Variants in RASGRP3 observed in about 807,000 individuals in gnomAD.
RASGRP3 encodes the protein ras guanyl-releasing protein 3.
In RASGRP3, 54 loss-of-function variants were observed where a neutral mutation model predicts 82.7. The ratio of observed to expected loss-of-function variants is 0.65; its 90% CI spans 0.52 to 0.82. RASGRP3 has a LOEUF of 0.82. Among genes scored for constraint, RASGRP3 ranks in the 40% least tolerant of loss-of-function variants. The probability of loss-of-function intolerance (pLI) is 0.00; values close to 1 mark genes in which losing one functional copy is unlikely to be tolerated. For synonymous variants in RASGRP3, 309 were observed against 300.5 expected, an observed-to-expected ratio of 1.03 and a Z score of -0.29; for missense variants, 861 against 828.9, an observed-to-expected ratio of 1.04 and a Z score of -0.48.
intron 1 of RASGRP3, among the ~76,000 whole-genome samples, chr2:33,484,627 A>T (rs1176633591): frequency 3.3e-5 from 5 of 151,910 alleles, no homozygotes; most frequent in Non-Finnish European, 7.4e-5. Context: ...GTCACTCTTG[A>T]TTCTGAAATT....
In RASGRP3 at chr2:33,549,716, C is replaced by G; in HGVS notation, c.1507C>G (p.Leu503Val). Residue 503 changes from leucine to valine, a missense_variant, in exon 14 of 18, where the codon CTC (leucine) becomes GTC (valine). Coordinates refer to ENST00000403687, the MANE Select transcript of RASGRP3 (RefSeq NM_001139488.2). Reference protein sequence around the residue: ...FIHNFQEMTYLKPTFCEHCAG... With the variant: ...FIHNFQEMTYVKPTFCEHCAG... ...CCATAATTTTCAGGAGATGACCTAT[C>G]TCAAGCCAACCTTCTGCGAACACTG... 1 of 1,614,018 alleles carries G rather than the reference C, an allele frequency of 6.2e-7. No homozygotes were observed. The highest frequency in any genetic ancestry group is 8.5e-7 in the Non-Finnish European group (1 of 1,179,888).
chr2:33,520,507 CCAACTTG>C, intron 5 of RASGRP3, 39 bp from the exon 6 acceptor site: 5 of 1,608,670 alleles, frequency 3.1e-6, no homozygotes, highest in Non-Finnish European at 4.3e-6. Flanking sequence ...CCATAGATAA[CCAACTTG>C]CAATCTTCCA....
chr2:33,451,563 A>C (rs1302245894), intron 2 of RASGRP3, among the ~76,000 whole-genome samples: 1 of 152,102 alleles, frequency 6.6e-6, no homozygotes, highest in Non-Finnish European at 1.5e-5. Flanking sequence ...TAAGTTTTTA[A>C]TCTATTTTGA....
chr2:33,460,472 C>T (rs1666297499), intron 2 of RASGRP3, among the ~76,000 whole-genome samples: 1 of 151,494 alleles, frequency 6.6e-6, no homozygotes, highest in Non-Finnish European at 1.5e-5. Context: ...TATGTCTGTA[C>T]TATTCAACTT....
At chr2:33,455,677 C>T (rs772741601) in intron 2 of RASGRP3, among the ~76,000 whole-genome samples, 5 of 152,282 alleles carry the variant, frequency 3.3e-5, no homozygotes, top group Non-Finnish European at 7.3e-5. Flanking sequence ...CTGGGAAGGA[C>T]TTTCCATCTG....
At chr2:33,534,195 T>C in intron 10 of RASGRP3, 128 bp from the exon 11 acceptor site, 2 of 661,038 alleles carry the variant, frequency 3.0e-6, no homozygotes, top group Admixed American at 2.7e-5. Context: ...GCCGTCTTTT[T>C]ATTGTTCTGC....
At chr2:33,469,975 T>C (rs567805337) in intron 2 of RASGRP3, among the ~76,000 whole-genome samples, 48 of 152,356 alleles carry the variant, frequency 3.2e-4, no homozygotes, top group African/African-American at 1.2e-3. Flanking sequence ...CTTTTGGCTC[T>C]GTTCCATTGC....
At chr2:33,515,696 T>G (rs1391008949) in intron 3 of RASGRP3, among the ~76,000 whole-genome samples, 1 of 152,256 alleles carries the variant, frequency 6.6e-6, no homozygotes, top group Non-Finnish European at 1.5e-5. Flanking sequence ...TCTACATTCA[T>G]ACACGTCATA....
chr2:33,462,231 G>A (rs1460137839), intron 2 of RASGRP3, among the ~76,000 whole-genome samples: 1 of 152,134 alleles, frequency 6.6e-6, no homozygotes, highest in Non-Finnish European at 1.5e-5. Context: ...GAGCTGCCAT[G>A]TGAACCCAGA....
intron 1 of RASGRP3, among the ~76,000 whole-genome samples, chr2:33,496,518 C>A (rs1669327884): frequency 6.6e-6 from 1 of 152,136 alleles, no homozygotes; most frequent in Non-Finnish European, 1.5e-5. Context: ...ATATGGAGAT[C>A]TGGATATATC....
At chr2:33,526,790 C>T (rs190619381) in intron 9 of RASGRP3, among the ~76,000 whole-genome samples, 54 of 152,286 alleles carry the variant, frequency 3.5e-4, no homozygotes, top group African/African-American at 1.3e-3. Flanking sequence ...GAACAAATAA[C>T]AATTTTAATA....
rs1042306237 is a variant in RASGRP3 at position 33,562,908 on chromosome 2, CCCTA to C, written c.*172_*175del. ...TTTGGACTATGGGACAGAGAATTGA[CCCTA>C]ACTAACTAACTATGAACTATTTATT... On this transcript the variant is annotated 3_prime_UTR_variant, in exon 18 of 18. Transcript: ENST00000403687. 5.9e-5 allele frequency: 38 copies of C among 645,052 alleles called. No homozygotes were observed. The African/African-American group carries it at 1.2e-3, about 20-fold the overall frequency. The allele number at this position is 645,052 out of a possible 1,614,324, so 40.0% of individuals were successfully genotyped here.
intron 1 of RASGRP3, among the ~76,000 whole-genome samples, chr2:33,489,131 G>A (rs1327564214): frequency 6.6e-6 from 1 of 152,160 alleles, no homozygotes; most frequent in Admixed American, 6.5e-5. Flanking sequence ...AGAGACCAAC[G>A]ATGCTGCTAA....
intron 2 of RASGRP3, among the ~76,000 whole-genome samples, chr2:33,464,479 A>T (rs7589045): frequency 0.51 from 69,883 of 136,704 alleles, 17,871 homozygotes; most frequent in Non-Finnish European, 0.6. Context: ...ATCTTTTTTT[A>T]AAAAAAAAAA....
At chr2:33,512,899 T>C (rs1004720150) in intron 2 of RASGRP3, among the ~76,000 whole-genome samples, 4 of 152,052 alleles carry the variant, frequency 2.6e-5, no homozygotes, top group African/African-American at 9.7e-5. Flanking sequence ...TAAAAACAAA[T>C]AAACAAGTAA....
chr2:33,550,789 G>T (rs1675282692), intron 14 of RASGRP3, among the ~76,000 whole-genome samples: 2 of 152,174 alleles, frequency 1.3e-5, no homozygotes, highest in Admixed American at 1.3e-4. Flanking sequence ...CATGCTCAAA[G>T]AACTGGCTTT....
intron 2 of RASGRP3, among the ~76,000 whole-genome samples, chr2:33,470,364 A>G (rs1023964464): frequency 6.8e-6 from 1 of 147,218 alleles, no homozygotes; most frequent in African/African-American, 2.5e-5. Flanking sequence ...TATTATAAAT[A>G]ATACTATAAC....
chr2:33,441,423 C>T (rs1425614657), intron 1 of RASGRP3, among the ~76,000 whole-genome samples: 1 of 152,200 alleles, frequency 6.6e-6, no homozygotes, highest in Non-Finnish European at 1.5e-5. Flanking sequence ...CCTGGCTGCT[C>T]TCTAGTGGCA....
chr2:33,514,505 C>A (rs867996064), intron 2 of RASGRP3, among the ~76,000 whole-genome samples: 308 of 60,554 alleles, frequency 5.1e-3, no homozygotes, highest in Middle Eastern at 0.014. Flanking sequence ...CCCATCTCTA[C>A]AAAAAAAAAA....
Sources: allele counts gnomAD v4.1 joint callset (sites outside exome capture counted in the v4.1 genomes callset), GRCh38; gene constraint gnomAD v4.1.1; transcripts MANE v1.5; gene names NCBI Gene and HGNC (gene_info 2026-07-23, HGNC 2026-07-21).